The following NRXN1 variants were observed in gnomAD, a reference collection of about 807,000 sequenced individuals.
NRXN1 encodes neurexin 1.
Under a neutral mutation model 150.9 loss-of-function variants are expected in NRXN1, and 39 were observed. That is an observed-to-expected ratio of 0.26 (90% CI 0.20 to 0.34). The LOEUF is 0.34. Among genes scored for constraint, NRXN1 ranks in the 10% least tolerant of loss-of-function variants. The pLI is 1.00. For missense variants in NRXN1, 1,815 were observed against 1,949.9 expected (o/e 0.93, Z 1.30); for synonymous variants, 924 against 757.0 (o/e 1.22, Z -3.62).
At chr2:50,574,265 G>T (rs1468261766) in intron 8 of NRXN1, among the ~76,000 whole-genome samples, 1 of 151,994 alleles carries the variant, frequency 6.6e-6, no homozygotes, top group Non-Finnish European at 1.5e-5. Flanking sequence ...AAATTGGTGG[G>T]CATTTTACAT....
intron 17 of NRXN1, among the ~76,000 whole-genome samples, chr2:50,386,426 T>C (rs79349708): frequency 0.028 from 4,255 of 152,162 alleles, 170 homozygotes; most frequent in African/African-American, 0.096. Context: ...TAATGGTTCA[T>C]AGGAGGTAAT....
rs368197289 is a variant in NRXN1 at position 50,297,597 on chromosome 2, T to C, written c.3365-60627A>G. 3.3e-4 allele frequency among the ~76,000 whole-genome samples: 50 copies of C among 152,326 alleles called. 2 individuals are homozygous for C. In the East Asian group the frequency reaches 4.4e-3, roughly 14 times the overall value. ...GCCCTATTTCAACGTTTGCATTCTCTTTTCACTCTGCCATAATATTTCACA... is the reference window on the plus strand; with the variant it reads ...GCCCTATTTCAACGTTTGCATTCTCCTTTCACTCTGCCATAATATTTCACA... On this transcript the variant is annotated intron_variant, in intron 17 of 22. Coordinates refer to ENST00000401669, the MANE Select transcript of NRXN1 (RefSeq NM_001330078.2).
chr2:50,283,409 T>G (rs948771253), intron 17 of NRXN1, among the ~76,000 whole-genome samples: 1 of 152,200 alleles, frequency 6.6e-6, no homozygotes, highest in Non-Finnish European at 1.5e-5. Flanking sequence ...TTGAATCTGC[T>G]GCCTTTCTAA....
chr2:50,511,157 T>C (rs961652339), intron 12 of NRXN1, among the ~76,000 whole-genome samples: 5 of 151,932 alleles, frequency 3.3e-5, no homozygotes, highest in Admixed American at 3.3e-4. Flanking sequence ...GCCTCCCAGG[T>C]TCAAGTGACT....
chr2:50,812,343 C>A (rs1668335548), intron 5 of NRXN1, among the ~76,000 whole-genome samples: 1 of 152,004 alleles, frequency 6.6e-6, no homozygotes, highest in African/African-American at 2.4e-5. Flanking sequence ...ATGTGACTTC[C>A]AAATCAGACC....
chr2:50,821,798 A>C (rs907225518), intron 5 of NRXN1, among the ~76,000 whole-genome samples: 5 of 152,208 alleles, frequency 3.3e-5, no homozygotes, highest in Admixed American at 2.0e-4. Flanking sequence ...TTAGCTCATA[A>C]ACAAGGAAAT....
At chr2:50,707,981 T>C (rs1005794336) in intron 5 of NRXN1, among the ~76,000 whole-genome samples, 2 of 152,164 alleles carry the variant, frequency 1.3e-5, no homozygotes, top group Admixed American at 1.3e-4. Flanking sequence ...AAAATGTGGA[T>C]TGCTAACTGA....
At chr2:50,713,512 C>T (rs773724798) in intron 5 of NRXN1, among the ~76,000 whole-genome samples, 13 of 151,996 alleles carry the variant, frequency 8.6e-5, no homozygotes, top group Non-Finnish European at 1.6e-4. Flanking sequence ...CAAGAAGCAT[C>T]AATTATGGCT....
intron 5 of NRXN1, among the ~76,000 whole-genome samples, chr2:50,771,668 A>G (rs1377690186): frequency 6.6e-6 from 1 of 152,146 alleles, no homozygotes; most frequent in Non-Finnish European, 1.5e-5. Flanking sequence ...TTTTGGCTGG[A>G]ATCTTGGAAG....
intron 18 of NRXN1, among the ~76,000 whole-genome samples, chr2:50,116,188 C>T (rs985745993): frequency 6.6e-6 from 1 of 151,964 alleles, no homozygotes; most frequent in Non-Finnish European, 1.5e-5. Context: ...TGTTGATCTT[C>T]CACTGGCTTA....
At chr2:50,364,495 C>T (rs184924385) in intron 17 of NRXN1, among the ~76,000 whole-genome samples, 6 of 152,220 alleles carry the variant, frequency 3.9e-5, no homozygotes, top group African/African-American at 1.4e-4. Flanking sequence ...ACAAATAAGT[C>T]ACATCTTCAT....
At chr2:50,149,138 T>A (rs2058548198) in intron 18 of NRXN1, among the ~76,000 whole-genome samples, 1 of 151,756 alleles carries the variant, frequency 6.6e-6, no homozygotes, top group Non-Finnish European at 1.5e-5. Flanking sequence ...ATTTGTTGTT[T>A]ATAAAGCATA....
intron 15 of NRXN1, among the ~76,000 whole-genome samples, chr2:50,493,811 T>G (rs1215282261): frequency 1.3e-5 from 2 of 152,200 alleles, no homozygotes; most frequent in Non-Finnish European, 2.9e-5. Flanking sequence ...CCCCTTCACA[T>G]GGGAAATTCA....
intron 17 of NRXN1, among the ~76,000 whole-genome samples, chr2:50,405,128 AG>A (rs199523428): frequency 1.3e-5 from 2 of 152,136 alleles, no homozygotes; most frequent in East Asian, 3.9e-4. Context: ...AAATCTTCAA[AG>A]TCAATATATC....
intron 5 of NRXN1, among the ~76,000 whole-genome samples, chr2:50,650,451 G>C (rs934959768): frequency 1.3e-5 from 2 of 151,916 alleles, no homozygotes; most frequent in Non-Finnish European, 2.9e-5. Flanking sequence ...TTTAAACATC[G>C]AATAAAAATG....
At chr2:50,532,660 G>C (rs527257417) in intron 10 of NRXN1, among the ~76,000 whole-genome samples, 1 of 152,092 alleles carries the variant, frequency 6.6e-6, no homozygotes, top group Non-Finnish European at 1.5e-5. Flanking sequence ...ATAAGCATGG[G>C]GGTGGGACTG....
At chr2:50,970,459 A>G (rs1694825618) in intron 2 of NRXN1, among the ~76,000 whole-genome samples, 1 of 152,120 alleles carries the variant, frequency 6.6e-6, no homozygotes, top group Non-Finnish European at 1.5e-5. Flanking sequence ...CATTTCACCT[A>G]GATTACTTTG....
intron 5 of NRXN1, among the ~76,000 whole-genome samples, chr2:50,743,676 C>T (rs1699697716): frequency 6.6e-6 from 1 of 152,076 alleles, no homozygotes; most frequent in South Asian, 2.1e-4. Context: ...CAGATTTAAC[C>T]ATCACGTGAT....
chr2:50,649,686 G>C (rs914740290), intron 5 of NRXN1, among the ~76,000 whole-genome samples: 8 of 151,978 alleles, frequency 5.3e-5, no homozygotes, highest in African/African-American at 1.9e-4. Flanking sequence ...TTGTTGAGAA[G>C]ATTAAGTGAA....
Sources: gnomAD v4.1 joint callset for allele counts (sites outside exome capture counted in the v4.1 genomes callset) on GRCh38, gnomAD v4.1.1 for gene constraint, MANE v1.5 for transcripts, NCBI Gene and HGNC (gene_info 2026-07-23, HGNC 2026-07-21) for gene names.